The following STARD3 variants were observed in gnomAD, a reference collection of about 807,000 sequenced individuals.
STARD3 encodes the protein stAR-related lipid transfer protein 3.
A neutral mutation model predicts 62.0 loss-of-function variants in STARD3; 39 were observed. The observed-to-expected ratio is 0.63, with a 90% confidence interval of 0.49 to 0.82. The LOEUF (loss-of-function observed/expected upper bound fraction) is 0.82, where lower values mean the gene tolerates loss of function less well. STARD3 is among the 40% of genes least tolerant of loss of function. The probability of loss-of-function intolerance (pLI) is 0.00; values close to 1 mark genes in which losing one functional copy is unlikely to be tolerated. For missense variants in STARD3, 543 were observed against 584.5 expected (o/e 0.93, Z 0.73); for synonymous variants, 229 against 242.4 (o/e 0.94, Z 0.51).
intron 2 of STARD3, among the ~76,000 whole-genome samples, chr17:39,655,301 T>G (rs2057116494): frequency 6.6e-6 from 1 of 152,110 alleles, no homozygotes; most frequent in African/African-American, 2.4e-5. Flanking sequence ...TCCTCCCACC[T>G]CAGCCTCCCC....
chr17:39,660,561 T>A lies in STARD3; in HGVS notation c.954+35T>A. 6.2e-7 allele frequency: 1 copy of A among 1,607,532 alleles called. No homozygotes were observed. On this transcript the variant is annotated intron_variant, in intron 11 of 14. Transcript: ENST00000336308. This position sits in a 1 kb window ranked among gnomAD's most constrained non-coding sequence, Gnocchi z 4.8. ...GTCTGGCTGCCTCTTAAGGCACAGA[T>A]GGGGGCACAGCCACGCCTCAGTGGG...
intron 13 of STARD3, 58 bp from the exon 14 acceptor site, chr17:39,662,193 G>T: frequency 6.7e-7 from 1 of 1,498,162 alleles, no homozygotes; most frequent in Non-Finnish European, 9.2e-7. Context: ...GGGGCTGCGG[G>T]GGGGTGTCAG....
chr17:39,663,010 C>T lies in STARD3; in HGVS notation c.*102C>T, dbSNP rs551097184. The T allele has an allele frequency of 1.6e-4, 192 of 1,180,214 alleles. No homozygotes were observed. In the South Asian group the frequency reaches 2.8e-3, roughly 17 times the overall value. The allele number at this position is 1,180,214 out of a possible 1,614,324, so 73.1% of individuals were successfully genotyped here. A position where few individuals can be genotyped will look rare whatever the true frequency, so the allele number is the denominator to read the frequency against. ...CGCACTGCCCACATGGGACCTGGCC[C>T]CAGGCTGTCACCCTCCACCGAGCCA... On this transcript the variant is annotated 3_prime_UTR_variant, in exon 15 of 15. Transcript: ENST00000336308.
intron 13 of STARD3, among the ~76,000 whole-genome samples, chr17:39,661,776 T>C (rs1469692172): frequency 6.6e-6 from 1 of 152,214 alleles, no homozygotes; most frequent in Non-Finnish European, 1.5e-5. Context: ...AACTTCCTTA[T>C]CTGCAGAATG....
intron 2 of STARD3, among the ~76,000 whole-genome samples, chr17:39,656,383 C>A (rs1484909206): frequency 6.6e-6 from 1 of 152,168 alleles, no homozygotes; most frequent in African/African-American, 2.4e-5. Flanking sequence ...TTCCCTCAAA[C>A]CTCTGGACAT....
chr17:39,644,904 G>T (rs1299526490), intron 1 of STARD3, among the ~76,000 whole-genome samples: 2 of 151,828 alleles, frequency 1.3e-5, no homozygotes, highest in East Asian at 3.9e-4. Flanking sequence ...CGCCTACTGA[G>T]AGCTGCCGTC....
chr17:39,656,252 G>A (rs958491488), intron 2 of STARD3, among the ~76,000 whole-genome samples: 2 of 152,144 alleles, frequency 1.3e-5, no homozygotes, highest in African/African-American at 2.4e-5. Context: ...GGGCTCCATC[G>A]CCCAGAGTCC....
intron 5 of STARD3, 173 bp from the exon 6 acceptor site, chr17:39,658,232 C>A: frequency 7.2e-6 from 6 of 829,818 alleles, no homozygotes; most frequent in Non-Finnish European, 1.2e-5. Flanking sequence ...TCAGAAGGTT[C>A]TTTCTCCAGC....
In STARD3 at chr17:39,653,711, C is replaced by A; in HGVS notation, c.180C>A (p.Asp60Glu). 6.2e-7 allele frequency: 1 copy of A among 1,614,190 alleles called. No individual in the cohort carries two copies. The highest frequency in any genetic ancestry group is 1.1e-5 in the South Asian group (1 of 91,090). ...CCTTCTGTCTCTTCGTCACCTTCGA[C>A]CTGCTCTTCATCTCCCTGCTCTGGA... ...RRTFCLFVTF[D>E]LLFISLLWII... Residue 60 changes from aspartate (D) to glutamate (E), a missense_variant, in exon 2 of 15, where the codon GAC becomes GAA. Asp to Glu is a conservative substitution (Grantham distance 45). Transcript: ENST00000336308.
At chr17:39,662,661 G>A in intron 14 of STARD3, 143 bp from the exon 15 acceptor site, 9 of 757,738 alleles carry the variant, frequency 1.2e-5, no homozygotes, top group Non-Finnish European at 1.9e-5. Flanking sequence ...TCCTGCCAGG[G>A]GTGAGTGGGA....
At chr17:39,640,106 T>A (rs1359886620) in intron 1 of STARD3, among the ~76,000 whole-genome samples, 1 of 152,188 alleles carries the variant, frequency 6.6e-6, no homozygotes, top group African/African-American at 2.4e-5. Context: ...CTGTAGGCCC[T>A]TGGAACCCGC....
chr17:39,637,754 C>T (rs1465401726), intron 1 of STARD3, among the ~76,000 whole-genome samples: 2 of 152,146 alleles, frequency 1.3e-5, no homozygotes, highest in South Asian at 4.1e-4. Flanking sequence ...GACACGTTCC[C>T]TCACCCCGCA....
intron 1 of STARD3, among the ~76,000 whole-genome samples, chr17:39,648,328 A>C (rs371963815): frequency 7.3e-5 from 11 of 151,666 alleles, no homozygotes; most frequent in African/African-American, 1.2e-4. Context: ...TTAGCTGAGC[A>C]TAATGGCATG....
chr17:39,653,749 A>G lies in STARD3; in HGVS notation c.218A>G (p.Asn73Ser). 6.2e-7 allele frequency: 1 copy of G among 1,613,868 alleles called. No individual in the cohort carries two copies. The highest frequency in any genetic ancestry group is 1.1e-5 in the South Asian group (1 of 91,076). Residue 73 changes from asparagine (N) to serine (S), a missense_variant and splice_region_variant, in exon 2 of 15, where the codon AAT becomes AGT. By Grantham distance (46) the Asn-to-Ser change is conservative. Transcript: ENST00000336308. ...FISLLWIIELNTNTGIRKNLE... is the reference protein window; with the variant it reads ...FISLLWIIELSTNTGIRKNLE... ...TCCCTGCTCTGGATCATCGAACTGA[A>G]TGTGAGTGGGGGCGAGGTGGGGGCA...
At position 39,661,008 on chromosome 17, in the gene STARD3, G is replaced by A. The variant is rs1172038717; in HGVS notation, c.1062G>A (p.Glu354=). 1 of 1,613,684 alleles carries A rather than the reference G, an allele frequency of 6.2e-7. No individual in the cohort carries two copies. The highest frequency in any genetic ancestry group is 1.3e-5 in the African/African-American group (1 of 74,908). The change falls in exon 13 of 15, where the codon GAG becomes GAA. Residue 354 remains glutamate (E), a synonymous_variant. Transcript: ENST00000336308. ...ACTTCGTGAATGTCCGGCGCATTGAGCGGCGCAGGGACCGATACTTGTCAT... is the reference window on the plus strand; with the variant it reads ...ACTTCGTGAATGTCCGGCGCATTGAACGGCGCAGGGACCGATACTTGTCAT... The part of the protein sequence containing the change: ...PRDFVNVRRI[E]RRRDRYLSSG...
chr17:39,650,284 A>G (rs2057065016), intron 1 of STARD3, among the ~76,000 whole-genome samples: 1 of 152,168 alleles, frequency 6.6e-6, no homozygotes, highest in Non-Finnish European at 1.5e-5. Flanking sequence ...TGTGACAGCG[A>G]AGACCGGTCG....
intron 6 of STARD3, 83 bp downstream of exon 6, chr17:39,658,605 G>GA: frequency 6.4e-7 from 1 of 1,567,370 alleles, no homozygotes; most frequent in South Asian, 1.1e-5. Context: ...GAGTCAGTCT[G>GA]AAGCATCTCG....
intron 5 of STARD3, 178 bp downstream of exon 5, chr17:39,658,204 C>A: frequency 1.2e-6 from 1 of 857,702 alleles, no homozygotes. Flanking sequence ...CTGACTTAGC[C>A]CCTTGCAGCT....
intron 1 of STARD3, among the ~76,000 whole-genome samples, chr17:39,647,697 G>T (rs554731784): frequency 1.3e-5 from 2 of 152,326 alleles, no homozygotes; most frequent in South Asian, 4.1e-4. Context: ...AGCCAACGAG[G>T]CCTCACTCAG....
Sources: gnomAD v4.1 joint callset for allele counts (sites outside exome capture counted in the v4.1 genomes callset) on GRCh38, gnomAD v4.1.1 for gene constraint, Gnocchi (gnomAD v3.1) non-coding constraint, MANE v1.5 for transcripts, NCBI Gene and HGNC (gene_info 2026-07-23, HGNC 2026-07-21) for gene names.